The following SOX6 variants were observed in gnomAD, a reference collection of about 807,000 sequenced individuals.
SOX6 encodes the protein SRY-box transcription factor 6, also known as transcription factor SOX-6.
Under a neutral mutation model 97.8 loss-of-function variants are expected in SOX6, and 11 were observed. The observed-to-expected ratio is 0.11, with a 90% CI of 0.07 to 0.19. The LOEUF is 0.19. SOX6 is among the 10% of genes least tolerant of loss of function. The probability of loss-of-function intolerance (pLI) is 1.00; values close to 1 mark genes in which losing one functional copy is unlikely to be tolerated. For missense variants in SOX6, 810 were observed against 1,039.5 expected, an observed-to-expected ratio of 0.78 and a Z score of 3.04; for synonymous variants, 360 against 371.4, an observed-to-expected ratio of 0.97 and a Z score of 0.35.
chr11:16,330,363 G>A (rs1330050969), intron 2 of SOX6, among the ~76,000 whole-genome samples: 1 of 152,118 alleles, frequency 6.6e-6, no homozygotes, highest in Non-Finnish European at 1.5e-5. Flanking sequence ...AGACCAGCCT[G>A]GCCAACATGG....
intron 4 of SOX6, among the ~76,000 whole-genome samples, chr11:16,196,022 G>T (rs1023642137): frequency 2.6e-5 from 4 of 152,162 alleles, no homozygotes; most frequent in African/African-American, 9.7e-5. Context: ...CACATACTGT[G>T]CCCATTTCTA....
At chr11:16,729,429 A>C (rs1848332196) in intron 2 of SOX6, among the ~76,000 whole-genome samples, 1 of 152,218 alleles carries the variant, frequency 6.6e-6, no homozygotes, top group African/African-American at 2.4e-5. Context: ...AATATTCAAC[A>C]ATCTTAAGGA....
intron 4 of SOX6, among the ~76,000 whole-genome samples, chr11:16,599,507 A>T (rs1848245447): frequency 6.6e-6 from 1 of 152,164 alleles, no homozygotes; most frequent in Admixed American, 6.5e-5. Context: ...GAAAGAGATA[A>T]CTCTTTAGAT....
chr11:16,124,763 A>G (rs940157962), intron 6 of SOX6, among the ~76,000 whole-genome samples: 19 of 152,048 alleles, frequency 1.2e-4, no homozygotes, highest in African/African-American at 4.6e-4. Context: ...GAAGGGTTTT[A>G]AAAGGGAGTA....
intron 9 of SOX6, among the ~76,000 whole-genome samples, chr11:16,075,392 G>C (rs181111275): frequency 6.6e-6 from 1 of 152,138 alleles, no homozygotes; most frequent in African/African-American, 2.4e-5. Flanking sequence ...CAATAGCAAA[G>C]ACTTGGAACC....
intron 1 of SOX6, chr11:16,382,456 G>C (rs1326454112): frequency 6.6e-6 from 1 of 151,992 alleles, no homozygotes. Context: ...ACACAACAGA[G>C]GGAGGGAGAA....
At chr11:16,212,888 G>T (rs573357198) in intron 4 of SOX6, among the ~76,000 whole-genome samples, 24 of 152,104 alleles carry the variant, frequency 1.6e-4, no homozygotes, top group Non-Finnish European at 2.8e-4. Context: ...CATGGATTTT[G>T]GTTCCATGAT....
intron 6 of SOX6, among the ~76,000 whole-genome samples, chr11:16,125,978 G>A (rs1204477865): frequency 6.6e-6 from 1 of 152,056 alleles, no homozygotes; most frequent in Non-Finnish European, 1.5e-5. Flanking sequence ...TTGGAAATTA[G>A]GATACAAGGA....
intron 4 of SOX6, among the ~76,000 whole-genome samples, chr11:16,537,232 G>C (rs1399211430): frequency 6.6e-6 from 1 of 152,122 alleles, no homozygotes; most frequent in Non-Finnish European, 1.5e-5. Context: ...TATAGCAAAG[G>C]GGCCTGTTAG....
intron 4 of SOX6, among the ~76,000 whole-genome samples, chr11:16,527,622 A>C (rs550783083): frequency 5.6e-4 from 85 of 152,262 alleles, no homozygotes; most frequent in Non-Finnish European, 1.1e-3. Context: ...TAACCTGGCT[A>C]ACAGAATATG....
chr11:16,416,952 G>A (rs1042912479), intron 1 of SOX6, among the ~76,000 whole-genome samples: 7 of 152,114 alleles, frequency 4.6e-5, no homozygotes, highest in East Asian at 1.9e-4. Context: ...ACACTGAAGC[G>A]TGAAATGGAG....
intron 9 of SOX6, among the ~76,000 whole-genome samples, chr11:16,069,893 A>G (rs1848182093): frequency 6.6e-6 from 1 of 152,170 alleles, no homozygotes; most frequent in Admixed American, 6.5e-5. Flanking sequence ...ACGGTGGCTC[A>G]CGCCTGTAAT....
intron 3 of SOX6, among the ~76,000 whole-genome samples, chr11:16,670,049 T>C (rs1847836218): frequency 1.3e-5 from 2 of 151,972 alleles, no homozygotes; most frequent in Non-Finnish European, 2.9e-5. Context: ...TGGGAATCCC[T>C]ACCCCCGCCC....
At chr11:16,358,517 A>G (rs984693235), upstream of SOX6, among the ~76,000 whole-genome samples, 1 of 152,132 alleles carries the variant, frequency 6.6e-6, no homozygotes, top group African/African-American at 2.4e-5. Context: ...ATATACATAT[A>G]TGCACATCGA....
intron 1 of SOX6, among the ~76,000 whole-genome samples, chr11:16,419,624 G>A (rs889909182): frequency 6.6e-5 from 10 of 151,952 alleles, no homozygotes; most frequent in Non-Finnish European, 1.3e-4. Flanking sequence ...CCAAATACCT[G>A]ACTTCTAGAT....
rs118086049 is a variant in SOX6 at position 16,032,109 on chromosome 11, C to A, written c.1623+14405G>T. Among the ~76,000 whole-genome samples the A allele has an allele frequency of 3.7e-3, 560 of 152,242 alleles. 3 individuals carry two copies. The highest frequency in any genetic ancestry group is 0.017 in the Middle Eastern group (5 of 294). ...GTAACTACTTCTTCCAAAGTCTGGG[C>A]TCTAGTCACAAGCACACAATCAATG... is the stretch of plus-strand genomic sequence containing the variant. On this transcript the variant is annotated intron_variant, in intron 12 of 15. Transcript: ENST00000683767.
At chr11:16,523,640 A>T (rs1040703470) in intron 4 of SOX6, among the ~76,000 whole-genome samples, 3 of 152,194 alleles carry the variant, frequency 2.0e-5, no homozygotes, top group Admixed American at 6.5e-5. Context: ...ATCAGAGCAA[A>T]ACTGAAGGAA....
chr11:16,599,534 ATAG>A (rs1448829155), intron 4 of SOX6, among the ~76,000 whole-genome samples: 3 of 152,214 alleles, frequency 2.0e-5, no homozygotes, highest in Non-Finnish European at 4.4e-5. Flanking sequence ...AAAGATTTCC[ATAG>A]TTTCAATTGA....
At chr11:16,515,295 C>A (rs1860951395) in intron 4 of SOX6, among the ~76,000 whole-genome samples, 1 of 151,960 alleles carries the variant, frequency 6.6e-6, no homozygotes, top group South Asian at 2.1e-4. Flanking sequence ...CTCTGATGGC[C>A]AGTGATTATG....
Sources: allele counts gnomAD v4.1 joint callset (sites outside exome capture counted in the v4.1 genomes callset), GRCh38; gene constraint gnomAD v4.1.1; transcripts MANE v1.5; gene names NCBI Gene and HGNC (gene_info 2026-07-23, HGNC 2026-07-21).